ARHGAP17: variants seen among roughly 807,000 people sequenced by gnomAD.
ARHGAP17 encodes Rho GTPase activating protein 17.
Under a neutral mutation model 99.5 loss-of-function variants are expected in ARHGAP17, and 57 were observed. The ratio of observed to expected loss-of-function variants is 0.57; its 90% CI spans 0.46 to 0.71. The LOEUF (loss-of-function observed/expected upper bound fraction) is 0.71, where lower values mean the gene tolerates loss of function less well. Ranked by LOEUF, ARHGAP17 falls within the 30% of genes least tolerant of loss-of-function variation. The probability of loss-of-function intolerance (pLI) is 0.00; values close to 1 mark genes in which losing one functional copy is unlikely to be tolerated. For missense variants in ARHGAP17, 1,000 were observed against 1,122.4 expected, an observed-to-expected ratio of 0.89 and a Z score of 1.56; for synonymous variants, 417 against 429.6, an observed-to-expected ratio of 0.97 and a Z score of 0.36.
Position 24,931,349 on chromosome 16 carries a change from G to A in ARHGAP17, c.1950C>T (p.His650=), listed in dbSNP as rs1322500530. Residue 650 remains histidine (H), a synonymous_variant, in exon 19 of 20, where the codon CAC becomes CAT. Transcript: ENST00000289968. ...TTCCTGAAGAACTCTGGCCCCCGGG[G>A]TGGCCAGGAGGTGGGTTGCCCGGTT... ...PPKPGNPPPG[H]PGGQSSSGTS... 6.6e-7 allele frequency: 1 copy of A among 1,513,182 alleles called. No homozygotes were observed. The highest frequency in any genetic ancestry group is 1.3e-5 in the South Asian group (1 of 74,362). The allele number at this position is 1,513,182 out of a possible 1,614,324, so 93.7% of individuals were successfully genotyped here.
intron 19 of ARHGAP17, among the ~76,000 whole-genome samples, chr16:24,922,436 T>G (rs1171738652): frequency 6.6e-6 from 1 of 152,140 alleles, no homozygotes; most frequent in Non-Finnish European, 1.5e-5. Flanking sequence ...ATTTTTCTAT[T>G]TATGATCCAC....
intron 1 of ARHGAP17, among the ~76,000 whole-genome samples, chr16:24,999,175 C>A (rs2097852275): frequency 6.6e-6 from 1 of 152,176 alleles, no homozygotes; most frequent in Non-Finnish European, 1.5e-5. Context: ...AAAGTGGTCT[C>A]ACAGATTTCC....
intron 3 of ARHGAP17, among the ~76,000 whole-genome samples, chr16:24,972,871 C>T (rs2052407214): frequency 6.6e-6 from 1 of 152,178 alleles, no homozygotes; most frequent in African/African-American, 2.4e-5. Context: ...AGTATCAACA[C>T]TGAACTCCTC....
chr16:25,004,486 C>G (rs532017169), intron 1 of ARHGAP17, among the ~76,000 whole-genome samples: 1 of 152,302 alleles, frequency 6.6e-6, no homozygotes, highest in East Asian at 1.9e-4. Flanking sequence ...GTGAAAGTAT[C>G]CAATGACCAC....
At chr16:24,979,063 A>AT in intron 1 of ARHGAP17, 58 bp from the exon 2 acceptor site, 1 of 1,238,712 alleles carries the variant, frequency 8.1e-7, no homozygotes. Flanking sequence ...GCAACTCCTA[A>AT]AATTTAATAA....
intron 1 of ARHGAP17, among the ~76,000 whole-genome samples, chr16:24,983,137 T>G (rs1173491354): frequency 6.6e-5 from 10 of 150,706 alleles, no homozygotes; most frequent in Non-Finnish European, 1.5e-4. Flanking sequence ...ACCAGGTAGC[T>G]GAGACTACAG....
chr16:24,950,198 T>G (rs1189495737), intron 12 of ARHGAP17, among the ~76,000 whole-genome samples: 3 of 152,132 alleles, frequency 2.0e-5, no homozygotes, highest in Non-Finnish European at 4.4e-5. Context: ...TAGAGGCCAG[T>G]CGATGTGTTA....
rs538145509 is a variant in ARHGAP17 at position 25,010,500 on chromosome 16, G to A, written c.53+4709C>T. On this transcript the variant is annotated intron_variant, in intron 1 of 19. Transcript: ENST00000289968. The stretch of plus-strand genomic sequence containing the variant: ...GAAATGTTATAGACTGTTACTATCA[G>A]ACCTTTTCAAGATTTTAGTAAAGAA... Among the ~76,000 whole-genome samples the A allele has an allele frequency of 1.8e-4, 27 of 152,310 alleles. No individual in the cohort carries two copies. In the South Asian group the frequency reaches 5.0e-3, roughly 28 times the overall value.
intron 1 of ARHGAP17, 51 bp downstream of exon 1, chr16:25,015,158 G>T: frequency 9.1e-7 from 1 of 1,095,724 alleles, no homozygotes. Flanking sequence ...CGCGCCCTCC[G>T]CCCTCCGCCC....
At chr16:24,978,578 T>C (rs1465069346) in intron 2 of ARHGAP17, among the ~76,000 whole-genome samples, 1 of 152,154 alleles carries the variant, frequency 6.6e-6, no homozygotes, top group Non-Finnish European at 1.5e-5. Context: ...ATCACTAATA[T>C]CTAGCACTTA....
At chr16:24,920,358 G>C in intron 19 of ARHGAP17, 98 bp from the exon 20 acceptor site, 1 of 1,492,208 alleles carries the variant, frequency 6.7e-7, no homozygotes, top group Non-Finnish European at 9.1e-7. Context: ...GGAAGTTTCA[G>C]GGTCAGCCCA....
At chr16:24,926,978 G>A (rs1833915078) in intron 19 of ARHGAP17, among the ~76,000 whole-genome samples, 1 of 152,264 alleles carries the variant, frequency 6.6e-6, no homozygotes, top group South Asian at 2.1e-4. Flanking sequence ...AGATAAAAAT[G>A]ATAAATAGCA....
At chr16:24,938,737 A>G (rs1311671385) in intron 17 of ARHGAP17, among the ~76,000 whole-genome samples, 1 of 150,298 alleles carries the variant, frequency 6.7e-6, no homozygotes, top group African/African-American at 2.4e-5. Flanking sequence ...ATGCCACTGC[A>G]CTCCAGCCTG....
At chr16:24,934,535 G>T (rs2051082175) in intron 18 of ARHGAP17, among the ~76,000 whole-genome samples, 1 of 151,302 alleles carries the variant, frequency 6.6e-6, no homozygotes, top group Admixed American at 6.6e-5. Flanking sequence ...CTCACTGCAG[G>T]CTCGACCTCC....
intron 1 of ARHGAP17, among the ~76,000 whole-genome samples, chr16:24,992,144 G>A (rs928599029): frequency 6.6e-6 from 1 of 152,102 alleles, no homozygotes; most frequent in African/African-American, 2.4e-5. Context: ...GGAACTCGGG[G>A]GCAACAGGGA....
At chr16:24,967,587 G>A (rs1359252652) in intron 6 of ARHGAP17, among the ~76,000 whole-genome samples, 1 of 152,086 alleles carries the variant, frequency 6.6e-6, no homozygotes, top group Non-Finnish European at 1.5e-5. Context: ...CAAGGTGGGA[G>A]GATCACTTGA....
chr16:24,949,353 G>A (rs971861719), intron 13 of ARHGAP17, 51 bp downstream of exon 13: 1 of 1,411,234 alleles, frequency 7.1e-7, no homozygotes, highest in Non-Finnish European at 9.9e-7. Flanking sequence ...TTCTCTGCTG[G>A]GCATTAAACT....
At chr16:24,965,882 T>A (rs2052165761) in intron 6 of ARHGAP17, among the ~76,000 whole-genome samples, 1 of 152,218 alleles carries the variant, frequency 6.6e-6, no homozygotes, top group Non-Finnish European at 1.5e-5. Flanking sequence ...TTCCTACTTA[T>A]TACCATTTTT....
intron 19 of ARHGAP17, 87 bp from the exon 20 acceptor site, chr16:24,920,347 G>T: frequency 6.5e-7 from 1 of 1,547,298 alleles, no homozygotes; most frequent in Non-Finnish European, 8.8e-7. Flanking sequence ...AAGAGAGGCT[G>T]GGAAGTTTCA....
Sources: gnomAD v4.1 joint callset for allele counts (sites outside exome capture counted in the v4.1 genomes callset) on GRCh38, gnomAD v4.1.1 for gene constraint, MANE v1.5 for transcripts, NCBI Gene and HGNC (gene_info 2026-07-23, HGNC 2026-07-21) for gene names.